ADAMTSL1: variants seen among roughly 807,000 people sequenced by gnomAD.
The protein encoded by ADAMTSL1 is ADAMTS-like protein 1.
A neutral mutation model predicts 201.8 loss-of-function variants in ADAMTSL1; 126 were observed. That is an observed-to-expected ratio of 0.62 (90% CI 0.54 to 0.72). The LOEUF (loss-of-function observed/expected upper bound fraction) is 0.72. Among genes scored for constraint, ADAMTSL1 ranks in the 30% least tolerant of loss-of-function variants. The pLI is 0.00. For synonymous variants in ADAMTSL1, 1,121 were observed against 903.4 expected, an observed-to-expected ratio of 1.24 and a Z score of -4.32; for missense variants, 2,679 against 2,277.8, an observed-to-expected ratio of 1.18 and a Z score of -3.59.
At chr9:18,148,701 G>A (rs1198990511) in intron 1 of ADAMTSL1, among the ~76,000 whole-genome samples, 1 of 151,996 alleles carries the variant, frequency 6.6e-6, no homozygotes, top group Non-Finnish European at 1.5e-5. Context: ...TGACTCATTA[G>A]CTAATCCTTC....
At chr9:17,958,873 T>C (rs1828033469) in intron 1 of ADAMTSL1, among the ~76,000 whole-genome samples, 1 of 152,118 alleles carries the variant, frequency 6.6e-6, no homozygotes, top group East Asian at 1.9e-4. Flanking sequence ...CCGGCAATAG[T>C]TGAGAAGAGA....
chr9:18,770,513 T>A, intron 16 of ADAMTSL1, 89 bp from the exon 17 acceptor site: 1 of 1,337,026 alleles, frequency 7.5e-7, no homozygotes, highest in Non-Finnish European at 1.0e-6. Flanking sequence ...TTTCTTCCTT[T>A]ACTCTGCCAA....
chr9:18,534,944 G>A (rs1330584017), intron 3 of ADAMTSL1, among the ~76,000 whole-genome samples: 4 of 152,190 alleles, frequency 2.6e-5, no homozygotes, highest in African/African-American at 9.7e-5. Context: ...CTAGGCCTCT[G>A]GGACTGAGAT....
At chr9:18,467,504 G>A (rs898324572) in intron 2 of ADAMTSL1, among the ~76,000 whole-genome samples, 1 of 151,908 alleles carries the variant, frequency 6.6e-6, no homozygotes, top group Non-Finnish European at 1.5e-5. Flanking sequence ...TAAAAGGAGG[G>A]CTCATATCTA....
intron 2 of ADAMTSL1, among the ~76,000 whole-genome samples, chr9:18,233,101 C>G (rs1168106836): frequency 6.6e-6 from 1 of 152,162 alleles, no homozygotes; most frequent in Non-Finnish European, 1.5e-5. Context: ...AAAACAATAA[C>G]TCAGACTCCA....
At chr9:18,749,403 A>G (rs1398084845) in intron 15 of ADAMTSL1, among the ~76,000 whole-genome samples, 1 of 152,078 alleles carries the variant, frequency 6.6e-6, no homozygotes, top group Non-Finnish European at 1.5e-5. Context: ...TTTAAATGGA[A>G]AGGAAAAGAT....
chr9:18,491,327 A>G (rs1052792718), intron 1 of ADAMTSL1, among the ~76,000 whole-genome samples: 1 of 152,212 alleles, frequency 6.6e-6, no homozygotes, highest in South Asian at 2.1e-4. Context: ...TGAGACATTA[A>G]TCTATTAACT....
chr9:18,680,456 C>A lies in ADAMTSL1; in HGVS notation c.1281C>A (p.Pro427=), dbSNP rs748389901. 3.7e-6 allele frequency: 6 copies of A among 1,614,184 alleles called. No homozygotes were observed. Among genetic ancestry groups the A allele is most frequent in the South Asian group, 1.1e-5 (1 of 91,082 alleles). Residue 427 remains proline (P), a synonymous_variant, in exon 11 of 29, where the codon CCC becomes CCA. Coordinates refer to ENST00000380548, the MANE Select transcript of ADAMTSL1 (RefSeq NM_001040272.6). ...AATGCATGTACACCCCTAAGATGCC[C>A]ATCGCGCAGCCCTGCAACATTTTTG... ...EWKCMYTPKM[P]IAQPCNIFDC... is the part of the protein sequence containing the mutation.
chr9:18,576,810 C>T (rs926599090), intron 4 of ADAMTSL1, among the ~76,000 whole-genome samples: 4 of 151,886 alleles, frequency 2.6e-5, no homozygotes, highest in African/African-American at 9.7e-5. Flanking sequence ...GAGTGACTAC[C>T]GTATCTAGGT....
chr9:18,811,836 AATG>A (rs1823526090), intron 20 of ADAMTSL1, among the ~76,000 whole-genome samples: 1 of 152,228 alleles, frequency 6.6e-6, no homozygotes, highest in Non-Finnish European at 1.5e-5. Flanking sequence ...TTGCAGATGA[AATG>A]ATTGTCTTTA....
At chr9:18,844,479 G>T (rs1388200040) in intron 23 of ADAMTSL1, among the ~76,000 whole-genome samples, 2 of 152,184 alleles carry the variant, frequency 1.3e-5, no homozygotes, top group Non-Finnish European at 2.9e-5. Flanking sequence ...CTGCTCGGGG[G>T]TCAGGGGTCA....
At chr9:18,215,712 T>C (rs1055894760) in intron 2 of ADAMTSL1, among the ~76,000 whole-genome samples, 27 of 152,184 alleles carry the variant, frequency 1.8e-4, no homozygotes, top group African/African-American at 6.5e-4. Context: ...GGCCCCTGTG[T>C]GTTCTGTTTT....
intron 2 of ADAMTSL1, among the ~76,000 whole-genome samples, chr9:18,397,452 T>A (rs922400601): frequency 9.9e-5 from 15 of 152,166 alleles, no homozygotes; most frequent in Admixed American, 7.9e-4. Context: ...AAAAATCTAA[T>A]AATAGACTTG....
At chr9:18,016,701 G>C (rs1003243645) in intron 1 of ADAMTSL1, among the ~76,000 whole-genome samples, 2 of 151,846 alleles carry the variant, frequency 1.3e-5, no homozygotes, top group African/African-American at 2.4e-5. Flanking sequence ...TCCCATCAAG[G>C]TGCCATGTAC....
At chr9:18,161,915 A>G (rs1167211914) in intron 1 of ADAMTSL1, among the ~76,000 whole-genome samples, 1 of 152,020 alleles carries the variant, frequency 6.6e-6, no homozygotes, top group African/African-American at 2.4e-5. Context: ...TTCTTATGAA[A>G]CTCAGTGTAG....
chr9:18,676,212 C>G (rs960860377), intron 10 of ADAMTSL1, among the ~76,000 whole-genome samples: 2 of 151,966 alleles, frequency 1.3e-5, no homozygotes, highest in Non-Finnish European at 2.9e-5. Context: ...TCCCTTTGTT[C>G]TTTCCTATTT....
intron 1 of ADAMTSL1, among the ~76,000 whole-genome samples, chr9:18,083,454 G>A (rs1474794480): frequency 2.6e-5 from 4 of 152,204 alleles, no homozygotes; most frequent in Non-Finnish European, 5.9e-5. Flanking sequence ...CCACATGATT[G>A]ACTGTGGCAT....
At chr9:18,498,840 A>G (rs1470963962) in intron 1 of ADAMTSL1, among the ~76,000 whole-genome samples, 2 of 152,262 alleles carry the variant, frequency 1.3e-5, no homozygotes, top group Non-Finnish European at 2.9e-5. Context: ...GACCTGGGTC[A>G]TTGTGAGGAT....
At chr9:18,380,498 C>T (rs182553973) in intron 2 of ADAMTSL1, among the ~76,000 whole-genome samples, 1 of 152,174 alleles carries the variant, frequency 6.6e-6, no homozygotes, top group Non-Finnish European at 1.5e-5. Context: ...CCTCCCTTCC[C>T]CCACCAATAA....
Sources: gnomAD v4.1 joint callset for allele counts (sites outside exome capture counted in the v4.1 genomes callset) on GRCh38, gnomAD v4.1.1 for gene constraint, MANE v1.5 for transcripts, NCBI Gene and HGNC (gene_info 2026-07-23, HGNC 2026-07-21) for gene names.